The following DGKI variants were observed in gnomAD, a reference collection of about 807,000 sequenced individuals.
The protein encoded by DGKI is diacylglycerol kinase iota.
In DGKI, 55 loss-of-function variants were observed where a neutral mutation model predicts 147.5. That is an observed-to-expected ratio of 0.37 (90% CI 0.30 to 0.47). The LOEUF is 0.47. DGKI is among the 20% of genes least tolerant of loss of function. DGKI has a pLI of 1.00. For synonymous variants in DGKI, 469 were observed against 477.1 expected, an observed-to-expected ratio of 0.98 and a Z score of 0.22; for missense variants, 1,007 against 1,323.8, an observed-to-expected ratio of 0.76 and a Z score of 3.71.
intron 12 of DGKI, among the ~76,000 whole-genome samples, chr7:137,596,540 T>C (rs1819804512): frequency 6.6e-6 from 1 of 152,268 alleles, no homozygotes; most frequent in East Asian, 1.9e-4. Flanking sequence ...TGGTATTGTG[T>C]GGGGGAAAAA....
chr7:137,676,387 C>CT (rs1160684682), intron 3 of DGKI, among the ~76,000 whole-genome samples: 3 of 151,736 alleles, frequency 2.0e-5, no homozygotes, highest in East Asian at 1.9e-4. Flanking sequence ...TGGGTTTTTT[C>CT]TTTTTTTTCT....
At chr7:137,645,910 A>T (rs1277417295) in intron 5 of DGKI, among the ~76,000 whole-genome samples, 1 of 152,214 alleles carries the variant, frequency 6.6e-6, no homozygotes, top group Non-Finnish European at 1.5e-5. Context: ...ATCCCCAAAG[A>T]TCTTTCATAT....
chr7:137,776,847 G>A (rs1034875571), intron 1 of DGKI, among the ~76,000 whole-genome samples: 3 of 152,020 alleles, frequency 2.0e-5, no homozygotes, highest in African/African-American at 4.8e-5. Flanking sequence ...AAAAATACAT[G>A]AGAAAAGGAG....
chr7:137,683,590 G>A (rs1469228039), intron 2 of DGKI, among the ~76,000 whole-genome samples: 1 of 152,038 alleles, frequency 6.6e-6, no homozygotes, highest in East Asian at 1.9e-4. Context: ...TTGGTGCCAC[G>A]TTTTTGTTCA....
intron 1 of DGKI, among the ~76,000 whole-genome samples, chr7:137,780,215 C>A (rs1159282457): frequency 6.6e-6 from 1 of 152,150 alleles, no homozygotes; most frequent in African/African-American, 2.4e-5. Context: ...CTGATTTAAA[C>A]AACTAAGGGT....
chr7:137,556,629 T>C (rs1818233111), intron 19 of DGKI, among the ~76,000 whole-genome samples: 1 of 152,194 alleles, frequency 6.6e-6, no homozygotes, highest in Non-Finnish European at 1.5e-5. Flanking sequence ...TGCAGACTTT[T>C]ATGCAGAAAA....
At chr7:137,475,071 T>C (rs1021350753) in intron 23 of DGKI, among the ~76,000 whole-genome samples, 3 of 152,182 alleles carry the variant, frequency 2.0e-5, no homozygotes, top group Admixed American at 1.3e-4. Context: ...GACATTATTT[T>C]ACCTAAAACA....
intron 29 of DGKI, among the ~76,000 whole-genome samples, chr7:137,411,767 T>C (rs549437565): frequency 6.6e-6 from 1 of 152,288 alleles, no homozygotes; most frequent in East Asian, 1.9e-4. Context: ...TTTGACTAAC[T>C]ATGATCCCCA....
intron 14 of DGKI, among the ~76,000 whole-genome samples, chr7:137,584,102 T>C (rs1055560739): frequency 1.4e-4 from 21 of 152,170 alleles, no homozygotes; most frequent in African/African-American, 4.8e-4. Flanking sequence ...ATATGGGGCT[T>C]AATCTATTAT....
intron 28 of DGKI, among the ~76,000 whole-genome samples, chr7:137,443,755 A>T (rs1184186818): frequency 6.6e-6 from 1 of 152,192 alleles, no homozygotes; most frequent in Non-Finnish European, 1.5e-5. Flanking sequence ...AAGGATAAAA[A>T]TCTGAGTCAT....
intron 6 of DGKI, among the ~76,000 whole-genome samples, chr7:137,640,788 A>C (rs1465260430): frequency 1.3e-5 from 2 of 152,226 alleles, no homozygotes; most frequent in African/African-American, 4.8e-5. Flanking sequence ...TTGTACCCTA[A>C]GTTCACTCTC....
At chr7:137,842,630 C>T (rs1021645017) in intron 1 of DGKI, among the ~76,000 whole-genome samples, 4 of 152,096 alleles carry the variant, frequency 2.6e-5, no homozygotes, top group East Asian at 1.9e-4. Context: ...GACCTAGGTT[C>T]GCCTACACAA....
rs1024927939 is a variant in DGKI at position 137,578,441 on chromosome 7, TG to T, written c.1643-117del. On this transcript the variant is annotated intron_variant, in intron 15 of 32. Coordinates refer to ENST00000614521, the MANE Select transcript of DGKI (RefSeq NM_001321708.2). ...TATCCTACAGATCCAATAGATCCCA[TG>T]GTTTGGTTATCATCTTTCCCCCAGT... 1.6e-5 allele frequency: 12 copies of T among 730,880 alleles called. No homozygotes were observed. In the African/African-American group the frequency reaches 2.1e-4, roughly 13 times the overall value. 45.3% of individuals were successfully genotyped at this position (730,880 alleles called of 1,614,324 possible). A position where few individuals can be genotyped will look rare whatever the true frequency, so the allele number is the denominator to read the frequency against.
chr7:137,646,162 G>A (rs1585324130), intron 5 of DGKI, among the ~76,000 whole-genome samples: 2 of 152,218 alleles, frequency 1.3e-5, no homozygotes, highest in East Asian at 3.8e-4. Flanking sequence ...TAGGTATGTA[G>A]TGCTTTATCT....
intron 23 of DGKI, among the ~76,000 whole-genome samples, chr7:137,480,293 A>G (rs1815328101): frequency 6.6e-6 from 1 of 152,120 alleles, no homozygotes; most frequent in Admixed American, 6.6e-5. Context: ...CACAAGATAA[A>G]TCAATTCCCA....
In DGKI at chr7:137,714,785, CATTA is replaced by C. The variant is rs1417203671; in HGVS notation, c.402-24787_402-24784del. 2.0e-5 allele frequency among the ~76,000 whole-genome samples: 3 copies of C among 152,290 alleles called. No individual in the cohort carries two copies. The East Asian group carries it at 5.8e-4, about 29-fold the overall frequency. Reference sequence around the variant, plus strand: ...TACCTATTCTCTCCAACATGAAATCCATTATCTTCAACCTAGATGTTGGGTTTCC... The same window carrying C: ...TACCTATTCTCTCCAACATGAAATCCTCTTCAACCTAGATGTTGGGTTTCC... On this transcript the variant is annotated intron_variant, in intron 1 of 32. Coordinates refer to ENST00000614521, the MANE Select transcript of DGKI (RefSeq NM_001321708.2).
intron 19 of DGKI, among the ~76,000 whole-genome samples, chr7:137,553,539 T>C (rs1818121542): frequency 6.9e-6 from 1 of 145,140 alleles, no homozygotes; most frequent in African/African-American, 2.8e-5. Flanking sequence ...TTGTATAACC[T>C]CTTCTGACTT....
chr7:137,837,863 T>G (rs1441546340), intron 1 of DGKI, among the ~76,000 whole-genome samples: 1 of 152,168 alleles, frequency 6.6e-6, no homozygotes, highest in Non-Finnish European at 1.5e-5. Context: ...GGTTGTGCGC[T>G]GTCAGGGAAG....
intron 10 of DGKI, among the ~76,000 whole-genome samples, chr7:137,601,506 T>C (rs960808841): frequency 1.3e-5 from 2 of 152,356 alleles, no homozygotes; most frequent in East Asian, 1.9e-4. Context: ...CATCCCAGTA[T>C]ACTGGACATA....
Sources: allele counts gnomAD v4.1 joint callset (sites outside exome capture counted in the v4.1 genomes callset), GRCh38; gene constraint gnomAD v4.1.1; transcripts MANE v1.5; gene names NCBI Gene and HGNC (gene_info 2026-07-23, HGNC 2026-07-21).